The following CCDC180 variants were observed in gnomAD, a reference collection of about 807,000 sequenced individuals.
CCDC180 encodes the protein coiled-coil domain-containing protein 180.
CCDC180 carries 154 observed loss-of-function variants against 209.2 expected under a neutral mutation model. The ratio of observed to expected loss-of-function variants is 0.74; its 90% confidence interval spans 0.65 to 0.84. The LOEUF (loss-of-function observed/expected upper bound fraction) is 0.84. CCDC180 is among the 40% of genes least tolerant of loss of function. The pLI, the probability that CCDC180 is intolerant of heterozygous loss-of-function variation, is 0.00. For synonymous variants in CCDC180, 778 were observed against 749.1 expected (o/e 1.04, Z -0.63); for missense variants, 1,874 against 1,997.3 (o/e 0.94, Z 1.18).
At position 97,362,350 on chromosome 9, in the gene CCDC180, T is replaced by C. The variant is rs377156326; in HGVS notation, c.3811T>C (p.Ser1271Pro). ...PPVLCSCPGP[S>P]SPKGFKRHRC... ...TGTCCTCTGCTCCTGTCCTGGGCCC[T>C]CGTCACCCAAAGGCTTCAAGCGACA... The change falls in exon 28 of 37, where the codon TCG becomes CCG. Residue 1271 changes from serine (S) to proline (P), a missense_variant. Physicochemically the swap from Ser to Pro is moderately conservative, Grantham distance 74. Transcript: ENST00000529487. 4.6e-5 allele frequency: 74 copies of C among 1,614,012 alleles called. No individual in the cohort carries two copies. The Admixed American group carries it at 6.8e-4, about 15-fold the overall frequency.
rs1826938203 is a variant in CCDC180, at chr9:97,366,845, G to A, written c.4189+145G>A. 7.3e-6 allele frequency: 6 copies of A among 823,522 alleles called. No homozygotes were observed. In the South Asian group the frequency reaches 1.6e-4, roughly 22 times the overall value. The allele number at this position is 823,522 out of a possible 1,614,324, so 51.0% of individuals were successfully genotyped here. On this transcript the variant is annotated intron_variant, in intron 31 of 36. Transcript: ENST00000529487. This position sits in a 1 kb window ranked among gnomAD's most constrained non-coding sequence, Gnocchi z 4.3. The stretch of plus-strand genomic sequence containing the variant: ...GTGAAAAGCTGACCTCTTAAAATTA[G>A]GTAAAAACAATAATCAGATTTTACT...
chr9:97,314,722 C>G lies in CCDC180; in HGVS notation c.693C>G (p.Thr231=). 6.2e-7 allele frequency: 1 copy of G among 1,613,578 alleles called. No individual in the cohort carries two copies. Among genetic ancestry groups the G allele is most frequent in the Non-Finnish European group, 8.5e-7 (1 of 1,179,728 alleles). Residue 231 remains threonine (T), a synonymous_variant, in exon 7 of 37, where the codon ACC becomes ACG. Transcript: ENST00000529487. ...EALHSLEFSR[T]DKLKSVLKKY... is the part of the protein sequence containing the mutation. ...TGCACTCGCTGGAGTTCTCCCGAAC[C>G]GATAAAGTAAGTCGGCTGCAGGTGG... is the stretch of plus-strand genomic sequence containing the variant.
intron 2 of CCDC180, among the ~76,000 whole-genome samples, chr9:97,308,614 C>T (rs725228): frequency 0.19 from 28,531 of 152,220 alleles, 3,315 homozygotes; most frequent in Middle Eastern, 0.29. Flanking sequence ...CTCTTGACAA[C>T]AGTGTAGGTT....
chr9:97,342,765 T>C (rs1037089171), intron 18 of CCDC180, among the ~76,000 whole-genome samples: 2 of 152,240 alleles, frequency 1.3e-5, no homozygotes, highest in Non-Finnish European at 2.9e-5. Flanking sequence ...TTATTTCTTC[T>C]CTTTTCCTAT....
rs200693948 is a variant in CCDC180 at position 97,314,539 on chromosome 9, G to T, written c.588+18G>T. On this transcript the variant is annotated intron_variant, in intron 6 of 36. Transcript: ENST00000529487. Reference sequence around the variant, plus strand: ...CCATCCAAGTAGGGGTCCCTTCGTGGCTGGGCCTGCCCCACCCAGGTCCTG... The same window carrying T: ...CCATCCAAGTAGGGGTCCCTTCGTGTCTGGGCCTGCCCCACCCAGGTCCTG... 37 of 1,613,792 alleles carry T rather than the reference G, an allele frequency of 2.3e-5. No individual in the cohort carries two copies. Among genetic ancestry groups the T allele is most frequent in the Non-Finnish European group, 2.9e-5 (34 of 1,179,874 alleles).
At chr9:97,362,674 C>T (rs1564173907) in intron 28 of CCDC180, among the ~76,000 whole-genome samples, 2 of 152,302 alleles carry the variant, frequency 1.3e-5, no homozygotes, top group South Asian at 2.1e-4. Flanking sequence ...GTTAGAAAGA[C>T]GGGGCAGATG....
chr9:97,373,028 G>A (rs966871925), intron 34 of CCDC180: 10 of 152,196 alleles, frequency 6.6e-5, no homozygotes, highest in African/African-American at 2.4e-4. Flanking sequence ...GGACATGTCT[G>A]TGATCCCATC....
intron 3 of CCDC180, among the ~76,000 whole-genome samples, chr9:97,310,416 C>CG (rs5899303): frequency 6.6e-6 from 1 of 151,902 alleles, no homozygotes; most frequent in Non-Finnish European, 1.5e-5. Flanking sequence ...TGAGAGCAGG[C>CG]GGGGGTCAGG....
intron 33 of CCDC180, 126 bp downstream of exon 33, chr9:97,370,904 G>T: frequency 6.1e-6 from 5 of 822,196 alleles, no homozygotes; most frequent in Middle Eastern, 4.1e-4. Flanking sequence ...TCGTGGTTGG[G>T]TTTTGTAGGT....
chr9:97,364,214 A>G, intron 29 of CCDC180, 86 bp downstream of exon 29: 1 of 1,296,412 alleles, frequency 7.7e-7, no homozygotes, highest in Non-Finnish European at 1.1e-6. Flanking sequence ...GAGGGGAAAA[A>G]TCAGAAAGGG....
intron 18 of CCDC180, among the ~76,000 whole-genome samples, chr9:97,342,568 T>C (rs1587813434): frequency 6.6e-6 from 1 of 152,214 alleles, no homozygotes; most frequent in Non-Finnish European, 1.5e-5. Flanking sequence ...TGTAAGCTAC[T>C]GCACCCAGCC....
chr9:97,367,780 TCA>T (rs1826969693), intron 31 of CCDC180, among the ~76,000 whole-genome samples: 1 of 152,174 alleles, frequency 6.6e-6, no homozygotes, highest in East Asian at 1.9e-4. Flanking sequence ...AGCCAGAGCC[TCA>T]GTTTTCTTGT....
At chr9:97,353,997 T>C (rs1826495329) in intron 22 of CCDC180, among the ~76,000 whole-genome samples, 1 of 36,628 alleles carries the variant, frequency 2.7e-5, no homozygotes. Flanking sequence ...CTGGAATTCT[T>C]TTTTTTTTTT....
In CCDC180 at chr9:97,343,562, CAG is replaced by C; in HGVS notation, c.2498_2498+1del. ...GAGACTAATTTTAGAAATTAAGAAA[CAG>C]TGAGTAAAAAACTATTTTATTCTCA... On this transcript the variant is annotated splice_donor_variant and coding_sequence_variant, in exon 19 of 37. Coordinates refer to ENST00000529487, the MANE Select transcript of CCDC180 (RefSeq NM_020893.6). LOFTEE classifies it high-confidence loss of function. 1 of 1,596,742 alleles carries C rather than the reference CAG, an allele frequency of 6.3e-7. No individual in the cohort carries two copies. The highest frequency in any genetic ancestry group is 1.1e-5 in the South Asian group (1 of 90,198).
intron 24 of CCDC180, among the ~76,000 whole-genome samples, chr9:97,356,500 A>G (rs1272187026): frequency 6.6e-6 from 1 of 152,250 alleles, no homozygotes; most frequent in Non-Finnish European, 1.5e-5. Context: ...TCCCTGGAGC[A>G]TAGTGAATCC....
rs1826356381 is a variant in CCDC180, at chr9:97,349,233, T to A, written c.2797T>A (p.Phe933Ile). 5 of 1,536,636 alleles carry A rather than the reference T, an allele frequency of 3.3e-6. No individual in the cohort carries two copies. The highest frequency in any genetic ancestry group is 4.4e-6 in the Non-Finnish European group (5 of 1,147,038). Residue 933 changes from phenylalanine (F) to isoleucine (I), a missense_variant, in exon 21 of 37, where the codon TTC becomes ATC. Transcript: ENST00000529487. ...QEEQNVRSKN[F>I]RLKIYDMEHI... ...AGAGCAAAACGTGAGGAGCAAAAAC[T>A]TCCGCCTTAAGATCTATGACATGGA...
In CCDC180 at chr9:97,362,189, G is replaced by A. The variant is rs1376282955; in HGVS notation, c.3657-7G>A. On this transcript the variant is annotated splice_polypyrimidine_tract_variant and splice_region_variant and intron_variant, in intron 27 of 36. Coordinates refer to ENST00000529487, the MANE Select transcript of CCDC180 (RefSeq NM_020893.6). Reference sequence around the variant, plus strand: ...AGAAGAGCTCACACCCTTTCCTTTGGTTTCAGACTTCCCAACACAAAATGG... The same window carrying A: ...AGAAGAGCTCACACCCTTTCCTTTGATTTCAGACTTCCCAACACAAAATGG... 3.1e-6 allele frequency: 5 copies of A among 1,609,520 alleles called. No individual in the cohort carries two copies. The South Asian group carries it at 3.3e-5, about 11-fold the overall frequency.
intron 29 of CCDC180, chr9:97,365,436 T>C: frequency 1.4e-5 from 7 of 483,314 alleles, no homozygotes; most frequent in Non-Finnish European, 1.1e-5. Flanking sequence ...TGGTCAGAAA[T>C]TGCAGCTGAG....
In CCDC180 at chr9:97,309,358, G is replaced by C. The variant is rs1832903390; in HGVS notation, c.70-56G>C. The C allele has an allele frequency of 3.9e-6, 6 of 1,528,178 alleles. No homozygotes were observed. The Admixed American group carries it at 8.3e-5, about 21-fold the overall frequency. The allele number at this position is 1,528,178 out of a possible 1,614,324, so 94.7% of individuals were successfully genotyped here. A position where few individuals can be genotyped will look rare whatever the true frequency, so the allele number is the denominator to read the frequency against. On this transcript the variant is annotated intron_variant, in intron 2 of 36. Transcript: ENST00000529487. ...AGACAGCCACCATCAGCCTGAGAGT[G>C]CTAGGAAGTCAGCAGCTCTGACCAC...
Sources: allele counts gnomAD v4.1 joint callset (sites outside exome capture counted in the v4.1 genomes callset), GRCh38; gene constraint gnomAD v4.1.1; non-coding constraint Gnocchi (gnomAD v3.1); transcripts MANE v1.5; gene names NCBI Gene and HGNC (gene_info 2026-07-23, HGNC 2026-07-21).